CAPZB: variants seen among roughly 807,000 people sequenced by gnomAD.
CAPZB encodes F-actin-capping protein subunit beta.
A neutral mutation model predicts 38.1 loss-of-function variants in CAPZB; 2 were observed. The ratio of observed to expected loss-of-function variants is 0.05; its 90% CI spans 0.02 to 0.17. The LOEUF (loss-of-function observed/expected upper bound fraction) is 0.17, where lower values mean the gene tolerates loss of function less well. Among genes scored for constraint, CAPZB ranks in the 10% least tolerant of loss-of-function variants. The probability of loss-of-function intolerance (pLI) is 1.00; values close to 1 mark genes in which losing one functional copy is unlikely to be tolerated. For missense variants in CAPZB, 161 were observed against 334.2 expected, an observed-to-expected ratio of 0.48 and a Z score of 4.04; for synonymous variants, 107 against 127.4, an observed-to-expected ratio of 0.84 and a Z score of 1.08.
At chr1:19,476,227 G>GATAA (rs1237046140) in intron 1 of CAPZB, among the ~76,000 whole-genome samples, 1,532 of 46,938 alleles carry the variant, frequency 0.033, 38 homozygotes, top group East Asian at 0.067. Flanking sequence ...TAGATAGATA[G>GATAA]GCAGGCAGGC....
chr1:19,459,005 T>C (rs1008804969), intron 1 of CAPZB, among the ~76,000 whole-genome samples: 2 of 152,162 alleles, frequency 1.3e-5, no homozygotes, highest in African/African-American at 4.8e-5. Flanking sequence ...GCAGGCAAAG[T>C]CTGTTGGCAG....
In CAPZB at chr1:19,357,421, C is replaced by T; in HGVS notation, c.471+1G>A. Reference sequence around the variant, plus strand: ...GGCCACCAGCTGCTGGGAGGCAGTACCTGCACTTCTACCACGTGGATGGAA... The same window carrying T: ...GGCCACCAGCTGCTGGGAGGCAGTATCTGCACTTCTACCACGTGGATGGAA... On this transcript the variant is annotated splice_donor_variant, in intron 5 of 8. Transcript: ENST00000264202. LOFTEE classifies it high-confidence loss of function. This position sits in a 1 kb window ranked among gnomAD's most constrained non-coding sequence, Gnocchi z 4.3. 6.2e-7 allele frequency: 1 copy of T among 1,613,668 alleles called. No individual in the cohort carries two copies. The highest frequency in any genetic ancestry group is 1.3e-5 in the African/African-American group (1 of 75,020).
intron 4 of CAPZB, among the ~76,000 whole-genome samples, chr1:19,363,599 C>T (rs916207476): frequency 6.6e-6 from 1 of 152,124 alleles, no homozygotes; most frequent in African/African-American, 2.4e-5. Flanking sequence ...TGACCTAATT[C>T]ACAAAAGTAA....
chr1:19,361,266 G>A (rs1330033315), intron 4 of CAPZB, among the ~76,000 whole-genome samples: 2 of 152,202 alleles, frequency 1.3e-5, no homozygotes, highest in African/African-American at 4.8e-5. Context: ...CTCTGAATCG[G>A]GGTGTTCCAA....
At chr1:19,472,696 G>A (rs182017285) in intron 1 of CAPZB, among the ~76,000 whole-genome samples, 41 of 148,136 alleles carry the variant, frequency 2.8e-4, no homozygotes, top group African/African-American at 9.1e-4. Context: ...CAACTACTGC[G>A]CTTTCATTCT....
intron 2 of CAPZB, among the ~76,000 whole-genome samples, chr1:19,397,947 C>G (rs1227245308): frequency 1.3e-5 from 2 of 152,082 alleles, no homozygotes; most frequent in African/African-American, 4.8e-5. Context: ...AGGGACAGAC[C>G]AACAGCATCG....
chr1:19,381,206 G>C (rs1309142182), intron 3 of CAPZB, among the ~76,000 whole-genome samples: 1 of 151,966 alleles, frequency 6.6e-6, no homozygotes, highest in African/African-American at 2.4e-5. Context: ...AATTCTTCTT[G>C]TCCAATCACA....
At chr1:19,452,951 C>T (rs1311873962) in intron 1 of CAPZB, among the ~76,000 whole-genome samples, 9 of 151,930 alleles carry the variant, frequency 5.9e-5, no homozygotes, top group East Asian at 1.9e-4. Flanking sequence ...TTATAGGCAC[C>T]TGTCACCATG....
At chr1:19,430,098 C>G (rs1484327474) in intron 1 of CAPZB, among the ~76,000 whole-genome samples, 1 of 152,166 alleles carries the variant, frequency 6.6e-6, no homozygotes, top group Non-Finnish European at 1.5e-5. Context: ...AACCTTCTCC[C>G]TATTTACTGG....
chr1:19,351,323 T>C (rs2093990531), intron 6 of CAPZB, among the ~76,000 whole-genome samples: 1 of 151,932 alleles, frequency 6.6e-6, no homozygotes, highest in Non-Finnish European at 1.5e-5. Flanking sequence ...ATTATGTTTT[T>C]TAGAGACAGG....
intron 1 of CAPZB, among the ~76,000 whole-genome samples, chr1:19,429,952 T>C (rs1196541550): frequency 1.3e-5 from 2 of 152,088 alleles, no homozygotes; most frequent in African/African-American, 4.8e-5. Flanking sequence ...TCCACATGTG[T>C]CCATGGAAGA....
chr1:19,475,075 G>A (rs989114492), intron 1 of CAPZB, among the ~76,000 whole-genome samples: 3 of 152,076 alleles, frequency 2.0e-5, no homozygotes, highest in African/African-American at 4.8e-5. Context: ...AGACCCTTCC[G>A]GCTCTAATAA....
intron 3 of CAPZB, among the ~76,000 whole-genome samples, chr1:19,383,955 C>G (rs2094190207): frequency 6.6e-6 from 1 of 152,142 alleles, no homozygotes; most frequent in Non-Finnish European, 1.5e-5. Context: ...CACTTCTCAC[C>G]ATTTCAACTC....
At chr1:19,354,018 C>T (rs759619002) in intron 6 of CAPZB, among the ~76,000 whole-genome samples, 5 of 152,192 alleles carry the variant, frequency 3.3e-5, no homozygotes, top group African/African-American at 7.2e-5. Context: ...TAGCAGTCAC[C>T]GAATGGCAGG....
intron 1 of CAPZB, among the ~76,000 whole-genome samples, chr1:19,475,976 G>C (rs1042492604): frequency 6.6e-6 from 1 of 152,124 alleles, no homozygotes; most frequent in African/African-American, 2.4e-5. Flanking sequence ...AAACTTACCA[G>C]GCAGAACAAG....
At chr1:19,430,151 G>A (rs1424929428) in intron 1 of CAPZB, among the ~76,000 whole-genome samples, 1 of 152,116 alleles carries the variant, frequency 6.6e-6, no homozygotes, top group African/African-American at 2.4e-5. Flanking sequence ...AGACAACTGT[G>A]GCAGCACTAG....
chr1:19,484,623 C>T, intron 1 of CAPZB: 2 of 1,182,746 alleles, frequency 1.7e-6, no homozygotes, highest in Non-Finnish European at 2.1e-6. Context: ...GCTCCCCTCG[C>T]TCCCCAAAGG....
At position 19,357,594 on chromosome 1, in the gene CAPZB, A is replaced by G. The variant is rs2094028633; in HGVS notation, c.330-31T>C. On this transcript the variant is annotated intron_variant, in intron 4 of 8. Transcript: ENST00000264202. This position sits in a 1 kb window ranked among gnomAD's most constrained non-coding sequence, Gnocchi z 4.3. ...GGAAACAGGCCAATGTGCCTGTTAGATGCTAAAGGACAGATCATCAGCCTG... is the reference window on the plus strand; with the variant it reads ...GGAAACAGGCCAATGTGCCTGTTAGGTGCTAAAGGACAGATCATCAGCCTG... 3 of 1,612,072 alleles carry G rather than the reference A, an allele frequency of 1.9e-6. No homozygotes were observed. Among genetic ancestry groups the G allele is most frequent in the Non-Finnish European group, 2.5e-6 (3 of 1,178,460 alleles).
chr1:19,448,211 C>G (rs2094502899), intron 1 of CAPZB, among the ~76,000 whole-genome samples: 1 of 152,234 alleles, frequency 6.6e-6, no homozygotes, highest in Non-Finnish European at 1.5e-5. Flanking sequence ...TGCGCACATC[C>G]CAAATACCCG....
Sources: allele counts gnomAD v4.1 joint callset (sites outside exome capture counted in the v4.1 genomes callset), GRCh38; gene constraint gnomAD v4.1.1; non-coding constraint Gnocchi (gnomAD v3.1); transcripts MANE v1.5; gene names NCBI Gene and HGNC (gene_info 2026-07-23, HGNC 2026-07-21).